FAF1: variants seen among roughly 807,000 people sequenced by gnomAD.
FAF1 encodes FAS-associated factor 1.
Under a neutral mutation model 92.5 loss-of-function variants are expected in FAF1, and 25 were observed. That is an observed-to-expected ratio of 0.27 (90% CI 0.20 to 0.38). The LOEUF (loss-of-function observed/expected upper bound fraction) is 0.38, where lower values mean the gene tolerates loss of function less well. Ranked by LOEUF, FAF1 falls within the 10% of genes least tolerant of loss-of-function variation. FAF1 has a pLI of 1.00. For synonymous variants in FAF1, 234 were observed against 273.2 expected (o/e 0.86, Z 1.42); for missense variants, 636 against 793.3 (o/e 0.80, Z 2.38).
rs71578049 is a variant in FAF1, at chr1:50,736,768, GA to G, written c.551+2094del. On this transcript the variant is annotated intron_variant, in intron 6 of 18. Coordinates refer to ENST00000396153, the MANE Select transcript of FAF1 (RefSeq NM_007051.3). Reference sequence around the variant, plus strand: ...CTCCGTCTCCAAAAAAAGAAAGAAAGAAAAAAAAAAGATGTCAAAATATTTT... The same window carrying G: ...CTCCGTCTCCAAAAAAAGAAAGAAAGAAAAAAAAAGATGTCAAAATATTTT... Among the ~76,000 whole-genome samples the G allele has an allele frequency of 7.5e-3, 1,070 of 141,900 alleles. 20 individuals carry two copies. The highest frequency in any genetic ancestry group is 0.026 in the African/African-American group (1,014 of 38,648). The allele number at this position is 141,900 out of a possible 152,430, so 93.1% of individuals were successfully genotyped here. A position where few individuals can be genotyped will look rare whatever the true frequency, so the allele number is the denominator to read the frequency against.
intron 4 of FAF1, among the ~76,000 whole-genome samples, chr1:50,746,768 A>G (rs180925351): frequency 2.0e-5 from 3 of 152,326 alleles, no homozygotes; most frequent in South Asian, 4.1e-4. Flanking sequence ...AACAATGAAG[A>G]AAAGGCCTCA....
At chr1:50,504,609 G>A (rs887978173) in intron 15 of FAF1, among the ~76,000 whole-genome samples, 2 of 152,118 alleles carry the variant, frequency 1.3e-5, no homozygotes, top group African/African-American at 2.4e-5. Flanking sequence ...TAGTATAGAT[G>A]AAAGACAAGT....
At chr1:50,621,410 T>C in intron 8 of FAF1, among the ~76,000 whole-genome samples, 1 of 137,620 alleles carries the variant, frequency 7.3e-6, no homozygotes, top group Non-Finnish European at 1.6e-5. Context: ...TTTTTTTTTT[T>C]TTTTTTTGAG....
intron 3 of FAF1, among the ~76,000 whole-genome samples, chr1:50,793,828 G>A (rs1357848909): frequency 6.6e-6 from 1 of 152,168 alleles, no homozygotes; most frequent in Admixed American, 6.5e-5. Flanking sequence ...GATTGGTCCT[G>A]AATTGCATAA....
At chr1:50,702,325 T>C (rs187039321) in intron 7 of FAF1, among the ~76,000 whole-genome samples, 1 of 152,154 alleles carries the variant, frequency 6.6e-6, no homozygotes, top group East Asian at 1.9e-4. Context: ...TGTTGACAAA[T>C]CTGAATTCTC....
intron 8 of FAF1, among the ~76,000 whole-genome samples, chr1:50,647,575 G>A (rs1490674481): frequency 6.6e-6 from 1 of 152,160 alleles, no homozygotes; most frequent in Non-Finnish European, 1.5e-5. Flanking sequence ...CAAATGTCAA[G>A]TGAATGAATA....
intron 5 of FAF1, among the ~76,000 whole-genome samples, chr1:50,744,068 C>CA (rs1224933419): frequency 4.0e-4 from 57 of 142,952 alleles, no homozygotes; most frequent in Admixed American, 1.9e-3. Context: ...GAGACTGTCT[C>CA]AAAAAAAAAA....
At chr1:50,847,860 T>C (rs1644314874) in intron 2 of FAF1, among the ~76,000 whole-genome samples, 1 of 151,874 alleles carries the variant, frequency 6.6e-6, no homozygotes, top group South Asian at 2.1e-4. Context: ...TGTAAGGCTT[T>C]AGAAACACAC....
intron 1 of FAF1, among the ~76,000 whole-genome samples, chr1:50,883,416 G>A (rs1644630052): frequency 1.3e-5 from 2 of 152,084 alleles, no homozygotes; most frequent in Non-Finnish European, 1.5e-5. Context: ...CTAAGACAAC[G>A]TCAGGTTATA....
intron 17 of FAF1, among the ~76,000 whole-genome samples, chr1:50,479,159 T>A (rs1646671692): frequency 6.6e-6 from 1 of 152,238 alleles, no homozygotes; most frequent in African/African-American, 2.4e-5. Flanking sequence ...TTTATGAATT[T>A]CAGTTTCCTC....
At chr1:50,688,857 C>A (rs1254051426) in intron 7 of FAF1, among the ~76,000 whole-genome samples, 2 of 151,984 alleles carry the variant, frequency 1.3e-5, no homozygotes, top group Non-Finnish European at 2.9e-5. Flanking sequence ...AAATAAAATT[C>A]TATCATGTGC....
intron 6 of FAF1, among the ~76,000 whole-genome samples, chr1:50,706,550 G>GTC: frequency 6.6e-6 from 1 of 151,830 alleles, no homozygotes; most frequent in East Asian, 2.0e-4. Context: ...ATCAAGAAAT[G>GTC]TAAGTCATGG....
chr1:50,811,030 GA>G (rs1205364697), intron 2 of FAF1, among the ~76,000 whole-genome samples: 1 of 152,074 alleles, frequency 6.6e-6, no homozygotes, highest in Non-Finnish European at 1.5e-5. Context: ...GTGACAGAGT[GA>G]GACTCTGTCT....
At chr1:50,468,322 T>C (rs1298605528) in intron 18 of FAF1, among the ~76,000 whole-genome samples, 1 of 152,092 alleles carries the variant, frequency 6.6e-6, no homozygotes, top group African/African-American at 2.4e-5. Flanking sequence ...AGACAGAGTC[T>C]TGCTCTGTCT....
At chr1:50,813,978 T>C (rs1643941782) in intron 2 of FAF1, among the ~76,000 whole-genome samples, 1 of 152,102 alleles carries the variant, frequency 6.6e-6, no homozygotes, top group Non-Finnish European at 1.5e-5. Flanking sequence ...CATATATATA[T>C]ACTATGTTTT....
chr1:50,612,231 T>A (rs1203586952), intron 8 of FAF1: 1 of 366,842 alleles, frequency 2.7e-6, no homozygotes, highest in African/African-American at 2.2e-5. Context: ...TATAACAGTC[T>A]AGGATCTTAT....
chr1:50,823,020 C>T (rs1210446613), intron 2 of FAF1, among the ~76,000 whole-genome samples: 8 of 152,024 alleles, frequency 5.3e-5, no homozygotes, highest in Admixed American at 2.0e-4. Flanking sequence ...GTGATCTGCC[C>T]GCCTCGGCCT....
intron 4 of FAF1, among the ~76,000 whole-genome samples, chr1:50,756,526 C>T (rs184223295): frequency 5.3e-5 from 8 of 152,194 alleles, no homozygotes; most frequent in South Asian, 4.1e-4. Flanking sequence ...CCAAACTCTG[C>T]GTGTTACCCA....
chr1:50,889,812 G>A (rs1425559255), intron 1 of FAF1, among the ~76,000 whole-genome samples: 2 of 152,190 alleles, frequency 1.3e-5, no homozygotes, highest in Non-Finnish European at 2.9e-5. Context: ...GAATAAGTGT[G>A]ATGTGGTGCT....
Sources: allele counts gnomAD v4.1 joint callset (sites outside exome capture counted in the v4.1 genomes callset), GRCh38; gene constraint gnomAD v4.1.1; transcripts MANE v1.5; gene names NCBI Gene and HGNC (gene_info 2026-07-23, HGNC 2026-07-21).